The following NDUFAF2 variants were observed in gnomAD, a reference collection of about 807,000 sequenced individuals.
NDUFAF2 encodes NADH:ubiquinone oxidoreductase complex assembly factor 2.
A neutral mutation model predicts 22.8 loss-of-function variants in NDUFAF2; 13 were observed. The ratio of observed to expected loss-of-function variants is 0.57; its 90% CI spans 0.37 to 0.91. The LOEUF (loss-of-function observed/expected upper bound fraction) is 0.91. Among genes scored for constraint, NDUFAF2 ranks in the 40% least tolerant of loss-of-function variants. NDUFAF2 has a pLI of 0.01. For synonymous variants in NDUFAF2, 53 were observed against 64.2 expected, an observed-to-expected ratio of 0.83 and a Z score of 0.84; for missense variants, 162 against 195.2, an observed-to-expected ratio of 0.83 and a Z score of 1.01.
At chr5:61,059,924 A>C (rs1329011082) in intron 1 of NDUFAF2, among the ~76,000 whole-genome samples, 1 of 152,146 alleles carries the variant, frequency 6.6e-6, no homozygotes, top group South Asian at 2.1e-4. Context: ...ATAGTCATGC[A>C]TAAGATGTTA....
chr5:61,077,570 T>C (rs1209990941), intron 2 of NDUFAF2, among the ~76,000 whole-genome samples: 1 of 152,120 alleles, frequency 6.6e-6, no homozygotes, highest in Non-Finnish European at 1.5e-5. Flanking sequence ...AAAAGGAGAA[T>C]GATGAAGCAG....
intron 1 of NDUFAF2, among the ~76,000 whole-genome samples, chr5:60,966,259 T>G (rs1275528551): frequency 6.6e-6 from 1 of 152,192 alleles, no homozygotes; most frequent in Non-Finnish European, 1.5e-5. Context: ...TCCTTGTATA[T>G]TTTGGATATT....
intron 1 of NDUFAF2, among the ~76,000 whole-genome samples, chr5:61,072,839 C>T (rs981535181): frequency 1.3e-5 from 2 of 152,012 alleles, no homozygotes; most frequent in Non-Finnish European, 2.9e-5. Flanking sequence ...TGAGCTCAGG[C>T]GATCCACCCA....
In NDUFAF2 at chr5:61,152,892, C is replaced by T; in HGVS notation, c.447C>T (p.Ser149=). The T allele has an allele frequency of 6.2e-7, 1 of 1,613,084 alleles. No homozygotes were observed. The highest frequency in any genetic ancestry group is 8.5e-7 in the Non-Finnish European group (1 of 1,179,394). ...AAGAACCCTCAGTGGCTCCCAGCAGCACTGGTAAAACCTTTCAGCCAGGAT... is the reference window on the plus strand; with the variant it reads ...AAGAACCCTCAGTGGCTCCCAGCAGTACTGGTAAAACCTTTCAGCCAGGAT... ...GKEEPSVAPS[S]TGKTFQPGSW... is the part of the protein sequence containing the mutation. The change falls in exon 4 of 4, where the codon AGC becomes AGT. Residue 149 remains serine (S), a synonymous_variant. Coordinates refer to ENST00000296597, the MANE Select transcript of NDUFAF2 (RefSeq NM_174889.5).
At chr5:61,005,399 C>A (rs981164033) in intron 1 of NDUFAF2, among the ~76,000 whole-genome samples, 1 of 150,782 alleles carries the variant, frequency 6.6e-6, no homozygotes, top group Non-Finnish European at 1.5e-5. Flanking sequence ...AGTAAACATA[C>A]GTGTGCATGT....
chr5:61,124,672 G>A (rs751484361), intron 3 of NDUFAF2, among the ~76,000 whole-genome samples: 2 of 151,988 alleles, frequency 1.3e-5, no homozygotes, highest in African/African-American at 2.4e-5. Flanking sequence ...GTTCAGTAGC[G>A]ATGTAGCTAG....
At chr5:61,138,503 C>G (rs750351115) in intron 3 of NDUFAF2, among the ~76,000 whole-genome samples, 1 of 152,166 alleles carries the variant, frequency 6.6e-6, no homozygotes, top group African/African-American at 2.4e-5. Flanking sequence ...TCCTCCCCCC[C>G]AGATCGTGCC....
chr5:61,047,275 C>G lies in NDUFAF2; in HGVS notation c.128-25850C>G, dbSNP rs116448750. Among the ~76,000 whole-genome samples, 1,120 of 152,148 alleles carry G rather than the reference C, an allele frequency of 7.4e-3. 10 individuals carry two copies. Among genetic ancestry groups the G allele is most frequent in the African/African-American group, 0.026 (1,073 of 41,516 alleles). ...CTTTACATATAGTAACTAATTTCAT[C>G]CTATGATCATATTTTATTATCCCTA... On this transcript the variant is annotated intron_variant, in intron 1 of 3. Transcript: ENST00000296597.
At chr5:61,059,263 G>T (rs1293343099) in intron 1 of NDUFAF2, among the ~76,000 whole-genome samples, 1 of 152,010 alleles carries the variant, frequency 6.6e-6, no homozygotes, top group Non-Finnish European at 1.5e-5. Flanking sequence ...TTGAAGTTTT[G>T]TTTGAATATA....
chr5:61,038,855 T>C (rs1010708020), intron 1 of NDUFAF2, among the ~76,000 whole-genome samples: 18 of 152,164 alleles, frequency 1.2e-4, no homozygotes, highest in Non-Finnish European at 1.3e-4. Context: ...ATAACTTTTT[T>C]TTTTCATTTC....
intron 3 of NDUFAF2, among the ~76,000 whole-genome samples, chr5:61,119,907 T>A (rs1044354981): frequency 7.9e-5 from 12 of 152,310 alleles, no homozygotes; most frequent in East Asian, 1.9e-4. Context: ...ACAGTACATT[T>A]AAAAATTTTT....
chr5:61,068,599 G>A (rs1384446977), intron 1 of NDUFAF2, among the ~76,000 whole-genome samples: 6 of 151,986 alleles, frequency 3.9e-5, no homozygotes, highest in Admixed American at 1.3e-4. Context: ...TGAGTCACGC[G>A]CTTACAGGTC....
At chr5:60,974,757 T>C (rs916023460) in intron 1 of NDUFAF2, among the ~76,000 whole-genome samples, 4 of 152,214 alleles carry the variant, frequency 2.6e-5, no homozygotes, top group African/African-American at 9.6e-5. Flanking sequence ...TGAATGATTG[T>C]GACAAGAGCC....
intron 3 of NDUFAF2, among the ~76,000 whole-genome samples, chr5:61,141,415 A>G (rs1044569071): frequency 6.6e-6 from 1 of 152,048 alleles, no homozygotes. Flanking sequence ...GTGTCTTTTA[A>G]CTCAATCCTT....
intron 1 of NDUFAF2, among the ~76,000 whole-genome samples, chr5:61,007,052 C>G (rs1394961112): frequency 2.6e-5 from 4 of 152,026 alleles, no homozygotes; most frequent in African/African-American, 9.7e-5. Flanking sequence ...AAAATTTTCT[C>G]CCATTTTGTA....
At chr5:60,955,817 A>G (rs1367351086) in intron 1 of NDUFAF2, among the ~76,000 whole-genome samples, 1 of 151,718 alleles carries the variant, frequency 6.6e-6, no homozygotes, top group East Asian at 1.9e-4. Flanking sequence ...TAAATATTTT[A>G]CTTTATTGAT....
chr5:60,970,668 A>T (rs1218371768), intron 1 of NDUFAF2, among the ~76,000 whole-genome samples: 1 of 152,118 alleles, frequency 6.6e-6, no homozygotes, highest in Non-Finnish European at 1.5e-5. Context: ...CTTCCTTTTC[A>T]ATTTGGATGC....
chr5:61,088,727 G>A (rs1752533649), intron 2 of NDUFAF2, among the ~76,000 whole-genome samples: 1 of 152,044 alleles, frequency 6.6e-6, no homozygotes, highest in South Asian at 2.1e-4. Flanking sequence ...AAAATGATTT[G>A]TTTCATAATA....
intron 1 of NDUFAF2, among the ~76,000 whole-genome samples, chr5:60,973,060 A>G (rs372461327): frequency 6.6e-6 from 1 of 152,008 alleles, no homozygotes; most frequent in Non-Finnish European, 1.5e-5. Flanking sequence ...TTTAAAATAT[A>G]TTTAATACAT....
Sources: allele counts gnomAD v4.1 joint callset (sites outside exome capture counted in the v4.1 genomes callset), GRCh38; gene constraint gnomAD v4.1.1; transcripts MANE v1.5; gene names NCBI Gene and HGNC (gene_info 2026-07-23, HGNC 2026-07-21).